Variants in GRB10 observed in about 807,000 individuals in gnomAD.
GRB10 encodes growth factor receptor-bound protein 10.
GRB10 carries 20 observed loss-of-function variants against 80.9 expected under a neutral mutation model. The observed-to-expected ratio is 0.25, with a 90% CI of 0.17 to 0.36. GRB10 has a LOEUF of 0.36. GRB10 is among the 10% of genes least tolerant of loss of function. The pLI, the probability that GRB10 is intolerant of heterozygous loss-of-function variation, is 1.00. For synonymous variants in GRB10, 291 were observed against 291.5 expected, an observed-to-expected ratio of 1.00 and a Z score of 0.02; for missense variants, 548 against 747.7, an observed-to-expected ratio of 0.73 and a Z score of 3.12.
chr7:50,763,906 C>T (rs572631539), intron 2 of GRB10, among the ~76,000 whole-genome samples: 1 of 152,352 alleles, frequency 6.6e-6, no homozygotes, highest in East Asian at 1.9e-4. Flanking sequence ...TGAGGTGACA[C>T]CATTGCCCTC....
At chr7:50,757,174 G>T (rs2075200421) in intron 2 of GRB10, among the ~76,000 whole-genome samples, 1 of 152,146 alleles carries the variant, frequency 6.6e-6, no homozygotes, top group Non-Finnish European at 1.5e-5. Context: ...GAGAGTCTTG[G>T]TTCATCTCCA....
chr7:50,651,059 G>A (rs1015986076), intron 7 of GRB10, among the ~76,000 whole-genome samples: 3 of 152,086 alleles, frequency 2.0e-5, no homozygotes, highest in Non-Finnish European at 2.9e-5. Context: ...TTAATAGTTA[G>A]GGTTTCATTC....
In GRB10 at chr7:50,668,763, C is replaced by A. The variant is rs1211541025; in HGVS notation, c.504+959G>T. On this transcript the variant is annotated intron_variant, in intron 7 of 18. Transcript: ENST00000401949. ...CAGCCCATCCTGGCTCACAGCCCTGCCAACCGGTGGGGAGGAACTTTCAAC... is the reference window on the plus strand; with the variant it reads ...CAGCCCATCCTGGCTCACAGCCCTGACAACCGGTGGGGAGGAACTTTCAAC... Among the ~76,000 whole-genome samples, 3 of 152,226 alleles carry A rather than the reference C, an allele frequency of 2.0e-5. No individual in the cohort carries two copies. The East Asian group carries it at 5.8e-4, about 29-fold the overall frequency.
chr7:50,785,133 G>GAA (rs143602478), upstream of GRB10, among the ~76,000 whole-genome samples: 3,064 of 152,256 alleles, frequency 0.02, 122 homozygotes, highest in African/African-American at 0.069. Context: ...CAACAGAACT[G>GAA]AAAGAGGCTC....
rs200010618 is a variant in GRB10, at chr7:50,605,335, C to T, written c.1344G>A (p.Pro448=). ...CCAGGGCTGCGCTCTGGGCCTCTGC[C>T]GGATTCTCTATCACGCGTCCTGTTT... The part of the protein sequence containing the change: ...SGQTGRVIEN[P]AEAQSAALEE... The change falls in exon 15 of 19, where the codon CCG becomes CCA. Residue 448 remains proline (P), a synonymous_variant. Transcript: ENST00000401949. The T allele has an allele frequency of 3.4e-3, 5,550 of 1,614,188 alleles. 17 individuals carry two copies. The highest frequency in any genetic ancestry group is 4.4e-3 in the Non-Finnish European group (5,213 of 1,180,036).
chr7:50,623,161 G>A (rs993186782), intron 8 of GRB10, among the ~76,000 whole-genome samples: 22 of 152,238 alleles, frequency 1.4e-4, no homozygotes, highest in Admixed American at 1.1e-3. Flanking sequence ...ACTTACTGTC[G>A]GCTGTTGAGT....
chr7:50,760,186 C>G (rs932888791), intron 2 of GRB10, among the ~76,000 whole-genome samples: 18 of 152,202 alleles, frequency 1.2e-4, no homozygotes, highest in African/African-American at 4.3e-4. Context: ...CAAAGGCCAG[C>G]AGAGCGGTGA....
chr7:50,602,733 T>C (rs2047821813), intron 17 of GRB10, among the ~76,000 whole-genome samples: 1 of 152,232 alleles, frequency 6.6e-6, no homozygotes, highest in African/African-American at 2.4e-5. Context: ...TGGGGAAATC[T>C]GAACATGGAT....
rs1026598569 is a variant in GRB10, at chr7:50,616,149, G to A, written c.984+61C>T. On this transcript the variant is annotated intron_variant, in intron 11 of 18. Transcript: ENST00000401949. ...AAAATGAAGCCCAGGTTCACTCTGA[G>A]GACCTGGGGGGAGTGACTGTGGCAG... 9 of 1,602,888 alleles carry A rather than the reference G, an allele frequency of 5.6e-6. No homozygotes were observed. In the East Asian group the frequency reaches 1.3e-4, roughly 24 times the overall value.
chr7:50,764,314 G>A (rs56080719), intron 2 of GRB10, among the ~76,000 whole-genome samples: 1 of 152,162 alleles, frequency 6.6e-6, no homozygotes, highest in Non-Finnish European at 1.5e-5. Context: ...AGGCTTGCTA[G>A]TGCTGTTCTT....
Position 50,669,847 on chromosome 7 carries a change from C to T in GRB10, c.379G>A (p.Asp127Asn). The T allele has an allele frequency of 1.9e-6, 3 of 1,612,742 alleles. No individual in the cohort carries two copies. Among genetic ancestry groups the T allele is most frequent in the Non-Finnish European group, 2.5e-6 (3 of 1,179,386 alleles). Residue 127 changes from aspartate to asparagine, a missense_variant, in exon 7 of 19, where the codon GAC becomes AAC. Asp to Asn is a conservative substitution (Grantham distance 23). Around this residue, in one of 4 missense-constraint regions of GRB10, gnomAD observed 245 missense variants for 229.3 expected, o/e 1.07. Transcript: ENST00000401949. Reference protein sequence around the residue: ...ILAVRRLQEEDQQFRTSSLPA... With the variant: ...ILAVRRLQEENQQFRTSSLPA... ...AGAGATGAGGTTCTAAACTGCTGGTCTTCCTCCTGAAGGCGCCTGGAAGGC... is the reference window on the plus strand; with the variant it reads ...AGAGATGAGGTTCTAAACTGCTGGTTTTCCTCCTGAAGGCGCCTGGAAGGC...
chr7:50,793,336 C>A (rs2079015104), exon 1 of GRB10: 1 of 146,152 alleles, frequency 6.8e-6, no homozygotes, highest in Non-Finnish European at 1.5e-5. Context: ...CTGTCCCGGG[C>A]GCCCCGCGCC....
upstream of GRB10, among the ~76,000 whole-genome samples, chr7:50,787,638 C>T (rs566542389): frequency 1.6e-4 from 25 of 152,266 alleles, no homozygotes; most frequent in South Asian, 2.7e-3. Flanking sequence ...GGGAGAAGGC[C>T]GGGGAGACCT....
chr7:50,712,200 AT>A (rs2066001200), intron 4 of GRB10, among the ~76,000 whole-genome samples: 1 of 152,270 alleles, frequency 6.6e-6, no homozygotes, highest in Admixed American at 6.5e-5. Context: ...TCAAATGGAA[AT>A]AACCTTCATA....
At chr7:50,612,410 T>A (rs1371197550) in intron 13 of GRB10, among the ~76,000 whole-genome samples, 4 of 152,160 alleles carry the variant, frequency 2.6e-5, no homozygotes, top group African/African-American at 9.7e-5. Flanking sequence ...GCGACTGGCA[T>A]CTAGCAGGCA....
At chr7:50,690,608 T>C (rs2062703864) in intron 5 of GRB10, among the ~76,000 whole-genome samples, 1 of 152,096 alleles carries the variant, frequency 6.6e-6, no homozygotes, top group African/African-American at 2.4e-5. Flanking sequence ...CTGCATCCCC[T>C]GGGCCTGGGC....
At chr7:50,635,795 T>C (rs543865716) in intron 7 of GRB10, among the ~76,000 whole-genome samples, 141 of 151,660 alleles carry the variant, frequency 9.3e-4, no homozygotes, top group African/African-American at 3.2e-3. Flanking sequence ...AATGGATAAA[T>C]TCCTGGAAAC....
intron 7 of GRB10, among the ~76,000 whole-genome samples, chr7:50,641,281 G>GGA (rs2056205545): frequency 6.6e-6 from 1 of 151,686 alleles, no homozygotes; most frequent in African/African-American, 2.4e-5. Context: ...AAAAAAGGTG[G>GGA]GGGGGTAGCC....
intron 3 of GRB10, among the ~76,000 whole-genome samples, chr7:50,755,592 T>C (rs1430041112): frequency 6.6e-6 from 1 of 152,070 alleles, no homozygotes; most frequent in Non-Finnish European, 1.5e-5. Flanking sequence ...AGGAGACCAG[T>C]GAGGCCCAGA....
Sources: gnomAD v4.1 joint callset for allele counts (sites outside exome capture counted in the v4.1 genomes callset) on GRCh38, gnomAD v4.1.1 for gene constraint, gnomAD v4.1.1 regional missense constraint, MANE v1.5 for transcripts, NCBI Gene and HGNC (gene_info 2026-07-23, HGNC 2026-07-21) for gene names.